Variants in SAXO1 observed in about 807,000 individuals in gnomAD.
The protein encoded by SAXO1 is stabilizer of axonemal microtubules 1, also known as 4930500O09Rik.
A neutral mutation model predicts 17.5 loss-of-function variants in SAXO1; 21 were observed. The observed-to-expected ratio is 1.20, with a 90% CI of 0.85 to 1.72. The LOEUF (loss-of-function observed/expected upper bound fraction) is 1.72. Among genes scored for constraint, SAXO1 ranks in the 40% most tolerant of loss-of-function variants. SAXO1 has a pLI of 0.00. For missense variants in SAXO1, 843 were observed against 596.0 expected (o/e 1.41, Z -4.32); for synonymous variants, 274 against 216.5 (o/e 1.27, Z -2.33).
At chr9:18,989,989 G>C (rs1020213628) in intron 1 of SAXO1, among the ~76,000 whole-genome samples, 6 of 152,114 alleles carry the variant, frequency 3.9e-5, no homozygotes, top group African/African-American at 1.4e-4. Flanking sequence ...TATCTTACTT[G>C]AACCATAAAA....
intron 1 of SAXO1, among the ~76,000 whole-genome samples, chr9:18,997,713 G>A (rs1229744717): frequency 6.6e-6 from 1 of 152,174 alleles, no homozygotes; most frequent in African/African-American, 2.4e-5. Flanking sequence ...TTCCCAGTAG[G>A]GGCTGACAGA....
intron 1 of SAXO1, among the ~76,000 whole-genome samples, chr9:19,014,036 A>G (rs1834862008): frequency 6.6e-6 from 1 of 152,180 alleles, no homozygotes; most frequent in South Asian, 2.1e-4. Context: ...AGAGAGTTAA[A>G]CGTCCTCAGG....
At position 18,928,622 on chromosome 9, in the gene SAXO1, C is replaced by T; in HGVS notation, c.855G>A (p.Arg285=). ...AGGTGATGGGAGCTTTGGAGAACAT[C>T]CGGGGCATTGGCCAAGCTTGGTACT... ...RDKYQAWPMP[R]MFSKAPITYV... Residue 285 remains arginine (R), a synonymous_variant, in exon 4 of 4, where the codon CGG becomes CGA. Coordinates refer to ENST00000380534, the MANE Select transcript of SAXO1 (RefSeq NM_153707.4). 6.2e-7 allele frequency: 1 copy of T among 1,614,062 alleles called. No individual in the cohort carries two copies. Among genetic ancestry groups the T allele is most frequent in the South Asian group, 1.1e-5 (1 of 91,080 alleles).
At chr9:18,950,986 C>G in intron 1 of SAXO1, 49 bp from the exon 2 acceptor site, 1 of 1,544,312 alleles carries the variant, frequency 6.5e-7, no homozygotes, top group Non-Finnish European at 8.8e-7. Context: ...GAGAAAAAAA[C>G]CCAATTTCCT....
At chr9:19,024,455 G>T (rs12348730) in intron 1 of SAXO1, among the ~76,000 whole-genome samples, 4 of 151,438 alleles carry the variant, frequency 2.6e-5, no homozygotes, top group East Asian at 1.9e-4. Flanking sequence ...GGTGGGGCGA[G>T]GGGGGGAGGG....
intron 1 of SAXO1, among the ~76,000 whole-genome samples, chr9:18,952,972 C>G (rs541079297): frequency 6.6e-6 from 1 of 152,140 alleles, no homozygotes. Context: ...CATAGTAAAC[C>G]AATGACCCAT....
At chr9:18,962,517 T>C (rs1035968890) in intron 1 of SAXO1, among the ~76,000 whole-genome samples, 1 of 152,258 alleles carries the variant, frequency 6.6e-6, no homozygotes, top group East Asian at 1.9e-4. Flanking sequence ...TCCTTGTAGG[T>C]TCTGGGTATT....
intron 3 of SAXO1, among the ~76,000 whole-genome samples, chr9:18,937,169 T>C (rs62550781): frequency 0.048 from 7,316 of 152,262 alleles, 197 homozygotes; most frequent in Non-Finnish European, 0.057. Flanking sequence ...CACCAAGAGA[T>C]AAGGGCGTGA....
intron 1 of SAXO1, among the ~76,000 whole-genome samples, chr9:19,028,640 A>G (rs914127674): frequency 2.0e-5 from 3 of 152,234 alleles, no homozygotes; most frequent in African/African-American, 4.8e-5. Context: ...TGAAAAGAGA[A>G]TATTATGACA....
At chr9:18,992,122 G>T (rs1298094535) in intron 1 of SAXO1, among the ~76,000 whole-genome samples, 1 of 152,210 alleles carries the variant, frequency 6.6e-6, no homozygotes, top group Non-Finnish European at 1.5e-5. Flanking sequence ...AGGCTGAAAA[G>T]ATTTATAAAG....
At chr9:19,014,354 C>T (rs1391762699) in intron 1 of SAXO1, among the ~76,000 whole-genome samples, 3 of 150,264 alleles carry the variant, frequency 2.0e-5, no homozygotes, top group Non-Finnish European at 3.0e-5. Flanking sequence ...CCCAGCTACT[C>T]GGCAGGCTGA....
intron 1 of SAXO1, among the ~76,000 whole-genome samples, chr9:19,014,287 C>T (rs966760940): frequency 6.6e-6 from 1 of 151,616 alleles, no homozygotes; most frequent in Non-Finnish European, 1.5e-5. Flanking sequence ...GTGGAGAAAC[C>T]CTATCTCTAC....
rs529044102 is a variant in SAXO1 at position 18,977,365 on chromosome 9, T to C, written c.39-26428A>G. Among the ~76,000 whole-genome samples the C allele has an allele frequency of 3.7e-4, 56 of 151,440 alleles. 4 individuals carry two copies. The South Asian group carries it at 0.011, about 30-fold the overall frequency. ...TAGATCATTTACCACATGCTGGGCATACTGCTAATAGCTTTTGTGCTTATT... is the reference window on the plus strand; with the variant it reads ...TAGATCATTTACCACATGCTGGGCACACTGCTAATAGCTTTTGTGCTTATT... On this transcript the variant is annotated intron_variant, in intron 1 of 3. Coordinates refer to ENST00000380534, the MANE Select transcript of SAXO1 (RefSeq NM_153707.4).
chr9:19,014,748 C>G (rs193059829), intron 1 of SAXO1, among the ~76,000 whole-genome samples: 1 of 152,130 alleles, frequency 6.6e-6, no homozygotes, highest in African/African-American at 2.4e-5. Context: ...TATTACCTAC[C>G]TGTTGTCTCC....
intron 1 of SAXO1, among the ~76,000 whole-genome samples, chr9:18,970,971 C>T (rs1314812916): frequency 1.3e-5 from 2 of 152,102 alleles, no homozygotes; most frequent in Non-Finnish European, 2.9e-5. Flanking sequence ...GGAGTCTTTC[C>T]TTCTCTAAAC....
At chr9:18,946,329 C>T (rs186044960) in intron 2 of SAXO1, among the ~76,000 whole-genome samples, 8 of 143,002 alleles carry the variant, frequency 5.6e-5, no homozygotes, top group Admixed American at 2.1e-4. Context: ...GAAGCAACCA[C>T]GGATGCTGCA....
intron 1 of SAXO1, among the ~76,000 whole-genome samples, chr9:19,008,540 G>A (rs1176810209): frequency 2.0e-5 from 3 of 152,134 alleles, no homozygotes; most frequent in Admixed American, 1.3e-4. Flanking sequence ...GGAGGAGAGA[G>A]GCTTGCCATA....
Position 18,941,826 on chromosome 9 carries a change from G to A in SAXO1, c.232C>T (p.Pro78Ser). Residue 78 changes from proline to serine, a missense_variant, in exon 3 of 4, where the codon CCT (proline) becomes TCT (serine). Transcript: ENST00000380534. ...GLTTSRRDFG[P>S]HKVAPVKVHQ... ...ACCTTCACTGGTGCCACTTTGTGAG[G>A]CCCAAAATCTCTCCTGTAAGGAAGC... 1.2e-6 allele frequency: 2 copies of A among 1,614,158 alleles called. No individual in the cohort carries two copies. Among genetic ancestry groups the A allele is most frequent in the African/African-American group, 2.7e-5 (2 of 75,036 alleles).
upstream of SAXO1, among the ~76,000 whole-genome samples, chr9:19,037,123 T>C (rs1374116501): frequency 6.6e-6 from 1 of 152,242 alleles, no homozygotes; most frequent in Non-Finnish European, 1.5e-5. Flanking sequence ...TTCTCCCATT[T>C]GGAATGGCTG....
Sources: gnomAD v4.1 joint callset for allele counts (sites outside exome capture counted in the v4.1 genomes callset) on GRCh38, gnomAD v4.1.1 for gene constraint, MANE v1.5 for transcripts, NCBI Gene and HGNC (gene_info 2026-07-23, HGNC 2026-07-21) for gene names.